Variants in RIMS2 observed in about 807,000 individuals in gnomAD.
The protein encoded by RIMS2 is regulating synaptic membrane exocytosis 2.
Under a neutral mutation model 174.4 loss-of-function variants are expected in RIMS2, and 59 were observed. The observed-to-expected ratio is 0.34, with a 90% CI of 0.27 to 0.42. The LOEUF (loss-of-function observed/expected upper bound fraction) is 0.42. Among genes scored for constraint, RIMS2 ranks in the 10% least tolerant of loss-of-function variants. The pLI is 1.00. For missense variants in RIMS2, 1,620 were observed against 1,666.3 expected (o/e 0.97, Z 0.48); for synonymous variants, 606 against 572.5 (o/e 1.06, Z -0.84).
chr8:103,775,659 G>A (rs2098307285), intron 3 of RIMS2, among the ~76,000 whole-genome samples: 1 of 152,012 alleles, frequency 6.6e-6, no homozygotes, highest in Admixed American at 6.6e-5. Flanking sequence ...TTTATTGAAA[G>A]GATGATTAAT....
At chr8:103,647,148 C>T (rs556558017) in intron 1 of RIMS2, among the ~76,000 whole-genome samples, 1 of 152,238 alleles carries the variant, frequency 6.6e-6, no homozygotes, top group East Asian at 1.9e-4. Context: ...TATTTTTGTA[C>T]ATTGAACCAA....
At chr8:103,655,430 T>C (rs1275947216) in intron 1 of RIMS2, among the ~76,000 whole-genome samples, 1 of 151,510 alleles carries the variant, frequency 6.6e-6, no homozygotes, top group Non-Finnish European at 1.5e-5. Context: ...ATTTTAACTT[T>C]GTATCTGCAA....
At chr8:103,734,819 T>G (rs1035118319) in intron 2 of RIMS2, among the ~76,000 whole-genome samples, 3 of 152,128 alleles carry the variant, frequency 2.0e-5, no homozygotes, top group African/African-American at 7.2e-5. Flanking sequence ...TCAGTTCCCA[T>G]GATCATCCCT....
chr8:103,621,816 C>T (rs2095641736), intron 1 of RIMS2, among the ~76,000 whole-genome samples: 1 of 152,212 alleles, frequency 6.6e-6, no homozygotes, highest in Admixed American at 6.5e-5. Context: ...ATTTTTGAGA[C>T]ATTGATGCAC....
At chr8:103,861,092 C>T (rs1488637105) in intron 3 of RIMS2, among the ~76,000 whole-genome samples, 1 of 151,950 alleles carries the variant, frequency 6.6e-6, no homozygotes, top group African/African-American at 2.4e-5. Flanking sequence ...TAGTGACCAT[C>T]ATACAGAATA....
At chr8:103,804,351 T>A (rs1053446358) in intron 3 of RIMS2, among the ~76,000 whole-genome samples, 2 of 152,220 alleles carry the variant, frequency 1.3e-5, no homozygotes, top group Non-Finnish European at 2.9e-5. Context: ...GATTTGGGGA[T>A]TCTACTGAGG....
At chr8:103,948,171 A>G (rs2084305086) in intron 14 of RIMS2, among the ~76,000 whole-genome samples, 1 of 152,214 alleles carries the variant, frequency 6.6e-6, no homozygotes, top group Admixed American at 6.5e-5. Flanking sequence ...GAATGTAATA[A>G]AAAAGAAAGA....
At chr8:104,186,255 G>A (rs910098820) in intron 19 of RIMS2, among the ~76,000 whole-genome samples, 4 of 151,558 alleles carry the variant, frequency 2.6e-5, no homozygotes, top group Non-Finnish European at 3.0e-5. Context: ...GATGGATGAC[G>A]AGAAATTACC....
At chr8:104,169,308 A>ATG in intron 19 of RIMS2, among the ~76,000 whole-genome samples, 1 of 49,292 alleles carries the variant, frequency 2.0e-5, no homozygotes, top group East Asian at 1.7e-3. Flanking sequence ...TGTTGGCTAT[A>ATG]TATATATATA....
chr8:103,702,899 A>T (rs1590715523), intron 2 of RIMS2, among the ~76,000 whole-genome samples: 2 of 105,822 alleles, frequency 1.9e-5, no homozygotes, highest in Non-Finnish European at 1.9e-5. Context: ...TGCTTTGGCT[A>T]TCTAGCATCT....
At chr8:103,910,385 G>T (rs923816759) in intron 5 of RIMS2, 2 of 1,597,874 alleles carry the variant, frequency 1.3e-6, no homozygotes, top group Admixed American at 3.3e-5. Flanking sequence ...CTAACACCAG[G>T]TCTGAGAGAC....
At chr8:103,840,380 A>T (rs1269740895) in intron 3 of RIMS2, among the ~76,000 whole-genome samples, 1 of 152,034 alleles carries the variant, frequency 6.6e-6, no homozygotes, top group Non-Finnish European at 1.5e-5. Flanking sequence ...GTAAAAAGTC[A>T]TTGTTCTATT....
intron 2 of RIMS2, among the ~76,000 whole-genome samples, chr8:103,709,056 T>A (rs1237190125): frequency 6.6e-6 from 1 of 152,182 alleles, no homozygotes; most frequent in Non-Finnish European, 1.5e-5. Context: ...CAATGTCAAA[T>A]CTGCTGTTTA....
chr8:104,053,462 A>G (rs1032564818), intron 19 of RIMS2, among the ~76,000 whole-genome samples: 1 of 152,340 alleles, frequency 6.6e-6, no homozygotes, highest in Non-Finnish European at 1.5e-5. Context: ...GAGATTCAGT[A>G]TAAGAACTAG....
intron 1 of RIMS2, among the ~76,000 whole-genome samples, chr8:103,558,181 A>G (rs1364735064): frequency 2.0e-5 from 3 of 152,166 alleles, no homozygotes; most frequent in Non-Finnish European, 4.4e-5. Flanking sequence ...TCAAAATTTG[A>G]TAGACAAAAG....
chr8:103,597,928 G>T (rs1017358414), intron 1 of RIMS2, among the ~76,000 whole-genome samples: 1 of 152,148 alleles, frequency 6.6e-6, no homozygotes, highest in East Asian at 1.9e-4. Context: ...GCACTTAAAA[G>T]TATTATTTTA....
intron 19 of RIMS2, 79 bp downstream of exon 25, chr8:104,148,927 A>G: frequency 2.9e-6 from 4 of 1,387,610 alleles, no homozygotes; most frequent in Non-Finnish European, 4.0e-6. Flanking sequence ...TACTCATTTT[A>G]TTGCAGTAAT....
chr8:103,708,637 C>T (rs2097263242), intron 2 of RIMS2, among the ~76,000 whole-genome samples: 1 of 152,154 alleles, frequency 6.6e-6, no homozygotes, highest in Admixed American at 6.6e-5. Flanking sequence ...TTTAAATGTA[C>T]TGCTTTTCTG....
At chr8:103,821,539 A>G (rs1029830901) in intron 3 of RIMS2, among the ~76,000 whole-genome samples, 14 of 151,764 alleles carry the variant, frequency 9.2e-5, no homozygotes, top group Admixed American at 5.3e-4. Context: ...TACTTGATTT[A>G]CTTTTAAGGT....
Sources: gnomAD v4.1 joint callset for allele counts (sites outside exome capture counted in the v4.1 genomes callset) on GRCh38, gnomAD v4.1.1 for gene constraint, MANE v1.5 for transcripts, NCBI Gene and HGNC (gene_info 2026-07-23, HGNC 2026-07-21) for gene names.